TBCE: variants seen among roughly 807,000 people sequenced by gnomAD.
The protein encoded by TBCE is tubulin folding cofactor E.
Under a neutral mutation model 77.0 loss-of-function variants are expected in TBCE, and 53 were observed. That is an observed-to-expected ratio of 0.69 (90% confidence interval 0.55 to 0.87). The LOEUF (loss-of-function observed/expected upper bound fraction) is 0.87. TBCE is among the 40% of genes least tolerant of loss of function. TBCE has a pLI of 0.00. For synonymous variants in TBCE, 235 were observed against 241.3 expected (o/e 0.97, Z 0.24); for missense variants, 624 against 622.4 (o/e 1.00, Z -0.03).
rs1414365006 is a variant in TBCE, at chr1:235,385,380, T to C, written c.100+5231T>C. Among the ~76,000 whole-genome samples, 3 of 152,082 alleles carry C rather than the reference T, an allele frequency of 2.0e-5. No homozygotes were observed. In the South Asian group the frequency reaches 6.2e-4, roughly 31 times the overall value. On this transcript the variant is annotated intron_variant, in intron 2 of 16. Coordinates refer to ENST00000642610, the MANE Select transcript of TBCE (RefSeq NM_003193.5). ...CAATTCCTGGCTATCCTTGTTAACT[T>C]TCTGTCTCGTTGATCTGTCTAATGT...
At chr1:235,419,940 C>T (rs957744387) in intron 5 of TBCE, among the ~76,000 whole-genome samples, 1 of 152,034 alleles carries the variant, frequency 6.6e-6, no homozygotes, top group African/African-American at 2.4e-5. Flanking sequence ...CAAAAATTAG[C>T]CGGGTGTGGT....
At chr1:235,426,053 T>A (rs1263510474) in intron 5 of TBCE, among the ~76,000 whole-genome samples, 1 of 152,188 alleles carries the variant, frequency 6.6e-6, no homozygotes, top group South Asian at 2.1e-4. Context: ...AATAATTACT[T>A]GCAGAATAGA....
rs13374091 is a variant in TBCE at position 235,419,609 on chromosome 1, T to G, written c.460+48T>G. On this transcript the variant is annotated intron_variant, in intron 5 of 16. Coordinates refer to ENST00000642610, the MANE Select transcript of TBCE (RefSeq NM_003193.5). Reference sequence around the variant, plus strand: ...GTTATTGGAATCTGACTATGGATTTTATACCTGTGCCAGAGACTGCTAATT... The same window carrying G: ...GTTATTGGAATCTGACTATGGATTTGATACCTGTGCCAGAGACTGCTAATT... 0.034 allele frequency: 54,479 copies of G among 1,610,828 alleles called. 1,799 individuals carry two copies. Among genetic ancestry groups the G allele is most frequent in the African/African-American group, 0.17 (12,788 of 74,932 alleles).
intron 1 of TBCE, among the ~76,000 whole-genome samples, chr1:235,377,708 A>G (rs553975247): frequency 6.6e-6 from 1 of 151,004 alleles, no homozygotes; most frequent in South Asian, 2.1e-4. Flanking sequence ...CAGAAGTACA[A>G]TGGCTCGATC....
intron 6 of TBCE, among the ~76,000 whole-genome samples, chr1:235,428,576 T>C (rs1680877132): frequency 6.6e-6 from 1 of 152,088 alleles, no homozygotes; most frequent in Admixed American, 6.6e-5. Flanking sequence ...CAGATTTTGG[T>C]TTACTTGAAT....
chr1:235,430,414 A>G (rs1681019869), intron 6 of TBCE: 3 of 324,764 alleles, frequency 9.2e-6, no homozygotes, highest in South Asian at 5.7e-5. Flanking sequence ...TCACCTTGCA[A>G]ATGCCTGAGT....
Position 235,441,573 on chromosome 1 carries a change from C to T in TBCE, c.1271-241C>T, listed in dbSNP as rs116165637. The T allele has an allele frequency of 2.5e-3, 1,368 of 541,934 alleles. 15 individuals carry two copies. The highest frequency in any genetic ancestry group is 0.023 in the African/African-American group (1,233 of 52,838). The allele number at this position is 541,934 out of a possible 1,614,324, so 33.6% of individuals were successfully genotyped here. ...TTGTCTTTTGTTGAGTTTCACTGGT[C>T]ATTAACAATGAGCTAGATAAGCTAC... On this transcript the variant is annotated intron_variant, in intron 13 of 16. Transcript: ENST00000642610.
intron 15 of TBCE, 161 bp downstream of exon 15, chr1:235,443,072 A>C: frequency 4.1e-6 from 3 of 726,686 alleles, no homozygotes; most frequent in Non-Finnish European, 7.0e-6. Context: ...AATCATGCTA[A>C]TATCACTCCC....
chr1:235,436,353 C>T (rs750438042), intron 9 of TBCE, 33 bp from the exon 10 acceptor site: 5 of 1,597,878 alleles, frequency 3.1e-6, no homozygotes, highest in Non-Finnish European at 4.3e-6. Flanking sequence ...TTACATTGTT[C>T]TGTGTAATCA....
intron 15 of TBCE, among the ~76,000 whole-genome samples, chr1:235,444,367 C>T (rs1317906693): frequency 6.6e-6 from 1 of 152,160 alleles, no homozygotes; most frequent in East Asian, 1.9e-4. Flanking sequence ...CTGGTGGAGA[C>T]AGACTAGTCA....
chr1:235,423,231 C>T (rs1310447957), intron 5 of TBCE, among the ~76,000 whole-genome samples: 1 of 152,018 alleles, frequency 6.6e-6, no homozygotes, highest in Non-Finnish European at 1.5e-5. Flanking sequence ...TTCCTCCTCC[C>T]TCATGACCTG....
Position 235,448,694 on chromosome 1 carries a change from G to T in TBCE, c.1516G>T (p.Glu506Ter). 1 of 1,614,062 alleles carries T rather than the reference G, an allele frequency of 6.2e-7. No individual in the cohort carries two copies. The highest frequency in any genetic ancestry group is 8.5e-7 in the Non-Finnish European group (1 of 1,179,974). ...PKKPGREIEL[E>*]NDLKSLQFYS... is the part of the protein sequence containing the mutation. Reference sequence around the variant, plus strand: ...GAAGCCGGGCAGAGAAATCGAGCTGGAAAATGACCTAAAGTCATTACAGTT... The same window carrying T: ...GAAGCCGGGCAGAGAAATCGAGCTGTAAAATGACCTAAAGTCATTACAGTT... Residue 506 changes from glutamate to a stop codon, truncating the protein, a stop_gained, in exon 17 of 17, where the codon GAA (glutamate) becomes TAA (stop). Transcript: ENST00000642610. LOFTEE classifies it high-confidence loss of function.
chr1:235,400,408 C>CTTTTTTTTTTTTT lies in TBCE; in HGVS notation c.101-1085_101-1084insTTTTTTTTTTTTT, dbSNP rs71174425. Among the ~76,000 whole-genome samples the CTTTTTTTTTTTTT allele has an allele frequency of 4.3e-4, 46 of 106,020 alleles. 3 individuals carry two copies. The highest frequency in any genetic ancestry group is 1.7e-3 in the African/African-American group (39 of 23,446). 69.6% of individuals were successfully genotyped at this position (106,020 alleles called of 152,430 possible). ...ATTGAAGGAAAAAATTATTTTTCCT[C>CTTTTTTTTTTTTT]TTTTTTTTTTGAGATGGAGTCTCGC... On this transcript the variant is annotated intron_variant, in intron 2 of 16. Transcript: ENST00000642610.
At chr1:235,448,239 AAG>A in intron 15 of TBCE, 108 bp from the exon 16 acceptor site, 4 of 843,244 alleles carry the variant, frequency 4.7e-6, no homozygotes, top group African/African-American at 1.7e-5. Flanking sequence ...AAAAAAAAAA[AAG>A]ACAGATACAG....
intron 2 of TBCE, among the ~76,000 whole-genome samples, chr1:235,400,976 C>G (rs1192538905): frequency 1.4e-5 from 2 of 145,004 alleles, no homozygotes; most frequent in Non-Finnish European, 3.0e-5. Flanking sequence ...AGTGCTGGGA[C>G]TACAGGCGTA....
intron 2 of TBCE, among the ~76,000 whole-genome samples, chr1:235,385,020 T>G (rs1220613992): frequency 6.6e-6 from 1 of 152,196 alleles, no homozygotes; most frequent in African/African-American, 2.4e-5. Flanking sequence ...TGTTGTGTCT[T>G]TGTTCTCGTT....
At chr1:235,433,951 G>A in intron 7 of TBCE, 1 of 552,852 alleles carries the variant, frequency 1.8e-6, no homozygotes, top group Non-Finnish European at 3.2e-6. Context: ...CCTAAACCAT[G>A]CATTGACACG....
intron 3 of TBCE, 81 bp downstream of exon 3, chr1:235,401,668 A>T: frequency 8.1e-7 from 1 of 1,241,264 alleles, no homozygotes; most frequent in East Asian, 2.4e-5. Context: ...GGAGAGGAAG[A>T]AATGTTTGGC....
chr1:235,410,869 G>T (rs1021218480), intron 3 of TBCE, among the ~76,000 whole-genome samples: 2 of 152,162 alleles, frequency 1.3e-5, no homozygotes, highest in African/African-American at 4.8e-5. Context: ...GCGTTGGTAT[G>T]GCGAAGGCCA....
Sources: allele counts gnomAD v4.1 joint callset (sites outside exome capture counted in the v4.1 genomes callset), GRCh38; gene constraint gnomAD v4.1.1; transcripts MANE v1.5; gene names NCBI Gene and HGNC (gene_info 2026-07-23, HGNC 2026-07-21).